ATP11B: variants seen among roughly 807,000 people sequenced by gnomAD.
The protein encoded by ATP11B is phospholipid-transporting ATPase IF.
A neutral mutation model predicts 157.8 loss-of-function variants in ATP11B; 81 were observed. That is an observed-to-expected ratio of 0.51 (90% CI 0.43 to 0.62). ATP11B has a LOEUF of 0.62. ATP11B is among the 20% of genes least tolerant of loss of function. ATP11B has a pLI of 0.00. For synonymous variants in ATP11B, 451 were observed against 469.4 expected (o/e 0.96, Z 0.51); for missense variants, 1,165 against 1,402.2 (o/e 0.83, Z 2.70).
intron 12 of ATP11B, among the ~76,000 whole-genome samples, chr3:182,860,400 G>A (rs1336475246): frequency 1.3e-5 from 2 of 152,088 alleles, no homozygotes; most frequent in Admixed American, 6.5e-5. Flanking sequence ...ATGATCTGTT[G>A]TTTTATCTCT....
At chr3:182,849,062 G>A (rs543183238) in intron 10 of ATP11B, among the ~76,000 whole-genome samples, 20 of 152,338 alleles carry the variant, frequency 1.3e-4, no homozygotes, top group Non-Finnish European at 1.8e-4. Flanking sequence ...TGGAAGAGCA[G>A]CTGGAAAGTT....
At chr3:182,869,394 T>C in intron 17 of ATP11B, 63 bp downstream of exon 17, 1 of 1,099,986 alleles carries the variant, frequency 9.1e-7, no homozygotes, top group Non-Finnish European at 1.3e-6. Context: ...TATTTTGGAC[T>C]TTATTTCTTA....
intron 2 of ATP11B, among the ~76,000 whole-genome samples, chr3:182,821,598 C>T (rs1329197955): frequency 2.0e-5 from 3 of 152,192 alleles, no homozygotes; most frequent in East Asian, 1.9e-4. Flanking sequence ...TAGAATAGTA[C>T]TTTGCAGTAG....
At chr3:182,879,823 C>G (rs2108558442) in intron 20 of ATP11B, among the ~76,000 whole-genome samples, 174 bp downstream of exon 20, 1 of 152,316 alleles carries the variant, frequency 6.6e-6, no homozygotes, top group East Asian at 1.9e-4. Flanking sequence ...TTTTGGAATT[C>G]TCAGAGTGAG....
intron 8 of ATP11B, among the ~76,000 whole-genome samples, chr3:182,845,009 T>TTTTTTTTTTA (rs1560081876): frequency 8.9e-6 from 1 of 112,092 alleles, no homozygotes; most frequent in Non-Finnish European, 1.7e-5. Context: ...TTTTTTTATT[T>TTTTTTTTTTA]TTTTTTATTT....
At chr3:182,820,400 T>C (rs180954975) in intron 2 of ATP11B, 24 bp downstream of exon 2, 11 of 1,500,964 alleles carry the variant, frequency 7.3e-6, no homozygotes, top group Admixed American at 3.3e-5. Context: ...TTTTTATTGT[T>C]AGGCCAGGTG....
chr3:182,906,227 TCTC>T (rs1276533102), intron 28 of ATP11B, among the ~76,000 whole-genome samples: 1 of 152,150 alleles, frequency 6.6e-6, no homozygotes, highest in Non-Finnish European at 1.5e-5. Flanking sequence ...CCTTTTTACT[TCTC>T]CTTTTGAAAA....
At chr3:182,831,325 C>A (rs1272586348) in intron 4 of ATP11B, among the ~76,000 whole-genome samples, 1 of 152,154 alleles carries the variant, frequency 6.6e-6, no homozygotes, top group Non-Finnish European at 1.5e-5. Flanking sequence ...TTAGTCCAAG[C>A]CACCATCATC....
At chr3:182,795,176 C>T (rs1051760636) in intron 1 of ATP11B, among the ~76,000 whole-genome samples, 2 of 148,290 alleles carry the variant, frequency 1.3e-5, no homozygotes, top group African/African-American at 5.1e-5. Context: ...ATTATAATAC[C>T]ATCTTGTAAT....
rs537502786 is a variant in ATP11B, at chr3:182,844,988, T to A, written c.705-470T>A. Among the ~76,000 whole-genome samples, 8 of 115,214 alleles carry A rather than the reference T, an allele frequency of 6.9e-5. No homozygotes were observed. In the East Asian group the frequency reaches 1.3e-3, roughly 18 times the overall value. 75.6% of individuals were successfully genotyped at this position (115,214 alleles called of 152,430 possible). ...CATGATTAGCCTAGGCAGCCTTTTT[T>A]TTTTTATTTTTTTTTTTATTTTTTT... On this transcript the variant is annotated intron_variant, in intron 8 of 29. Coordinates refer to ENST00000323116, the MANE Select transcript of ATP11B (RefSeq NM_014616.3).
At chr3:182,849,336 AAG>A (rs1225386799) in intron 10 of ATP11B, among the ~76,000 whole-genome samples, 14 of 152,208 alleles carry the variant, frequency 9.2e-5, no homozygotes, top group Admixed American at 9.2e-4. Flanking sequence ...AGGAACATAA[AAG>A]AATACAGACT....
chr3:182,889,370 A>G lies in ATP11B; in HGVS notation c.2844-40A>G, dbSNP rs140095303. The G allele has an allele frequency of 2.8e-3, 3,931 of 1,395,284 alleles. 107 individuals are homozygous for G. In the African/African-American group the frequency reaches 0.051, roughly 18 times the overall value. 86.4% of individuals were successfully genotyped at this position (1,395,284 alleles called of 1,614,324 possible). ...TAATTGTTTAGTGGGCAAATAATAA[A>G]TGATCCCTAATATGTTTCTTTTTCT... On this transcript the variant is annotated intron_variant, in intron 24 of 29. Transcript: ENST00000323116.
chr3:182,854,402 G>A (rs751038232), intron 10 of ATP11B, among the ~76,000 whole-genome samples: 4 of 152,162 alleles, frequency 2.6e-5, no homozygotes, highest in East Asian at 3.9e-4. Flanking sequence ...CCCTGGAGGC[G>A]GAGGTTGTGG....
At chr3:182,915,978 A>G in intron 29 of ATP11B, 1 of 984,430 alleles carries the variant, frequency 1.0e-6, no homozygotes, top group Non-Finnish European at 1.2e-6. Context: ...GGTTACTATT[A>G]TTTTCTTACC....
chr3:182,895,249 A>T (rs1478470861), intron 25 of ATP11B, among the ~76,000 whole-genome samples: 5 of 152,124 alleles, frequency 3.3e-5, no homozygotes, highest in African/African-American at 1.2e-4. Context: ...GAGATGATAA[A>T]AGCAGACAGC....
At chr3:182,859,065 C>T (rs753469297) in intron 11 of ATP11B, 97 bp from the exon 12 acceptor site, 18 of 742,966 alleles carry the variant, frequency 2.4e-5, no homozygotes, top group Non-Finnish European at 4.0e-5. Context: ...AGTTGATGGT[C>T]TATGTAGGCA....
chr3:182,815,375 G>A (rs147536268), intron 1 of ATP11B, among the ~76,000 whole-genome samples: 1 of 152,208 alleles, frequency 6.6e-6, no homozygotes, highest in African/African-American at 2.4e-5. Context: ...ATATTTTACT[G>A]AATAGGTATA....
rs1166996709 is a variant in ATP11B, at chr3:182,921,470, C to CTT, written c.*3367_*3368dup. 6.6e-6 allele frequency: 1 copy of CTT among 152,058 alleles called. No homozygotes were observed. Among genetic ancestry groups the CTT allele is most frequent in the African/African-American group, 2.4e-5 (1 of 41,396 alleles). The allele number at this position is 152,058 out of a possible 1,614,324, so 9.4% of individuals were successfully genotyped here. ...AGTATCTGGAAATATTGTAGCAATACTTGGTTTAAAATTTTGGACCTGAGA... is the reference window on the plus strand; with the variant it reads ...AGTATCTGGAAATATTGTAGCAATACTTTTGGTTTAAAATTTTGGACCTGAGA... On this transcript the variant is annotated 3_prime_UTR_variant, in exon 30 of 30. Transcript: ENST00000323116.
intron 10 of ATP11B, among the ~76,000 whole-genome samples, chr3:182,856,271 G>A (rs1310159728): frequency 6.6e-6 from 1 of 152,116 alleles, no homozygotes; most frequent in African/African-American, 2.4e-5. Context: ...TAGGTAATAG[G>A]AGCTGTGGTA....
Sources: allele counts gnomAD v4.1 joint callset (sites outside exome capture counted in the v4.1 genomes callset), GRCh38; gene constraint gnomAD v4.1.1; transcripts MANE v1.5; gene names NCBI Gene and HGNC (gene_info 2026-07-23, HGNC 2026-07-21).